Variants in NAV3 observed in about 807,000 individuals in gnomAD.
NAV3 encodes the protein pore membrane and/or filament interacting like protein 1.
Under a neutral mutation model 244.7 loss-of-function variants are expected in NAV3, and 87 were observed. The ratio of observed to expected loss-of-function variants is 0.36; its 90% confidence interval spans 0.30 to 0.42. The LOEUF (loss-of-function observed/expected upper bound fraction) is 0.42. NAV3 is among the 20% of genes least tolerant of loss of function. The probability of loss-of-function intolerance (pLI) is 1.00; values close to 1 mark genes in which losing one functional copy is unlikely to be tolerated. For missense variants in NAV3, 2,663 were observed against 2,893.3 expected, an observed-to-expected ratio of 0.92 and a Z score of 1.83; for synonymous variants, 1,126 against 1,042.2, an observed-to-expected ratio of 1.08 and a Z score of -1.55.
At chr12:77,828,756 A>G (rs1873283821), upstream of NAV3, among the ~76,000 whole-genome samples, 1 of 152,208 alleles carries the variant, frequency 6.6e-6, no homozygotes, top group African/African-American at 2.4e-5. Flanking sequence ...AGTCAGAGTG[A>G]AAGATATTGC....
chr12:77,755,667 T>C (rs1869134622), intron 2 of NAV3, among the ~76,000 whole-genome samples: 2 of 142,252 alleles, frequency 1.4e-5, no homozygotes, highest in Non-Finnish European at 3.1e-5. Flanking sequence ...CCACTCTCTC[T>C]CTTTCTTTCT....
At chr12:77,847,912 C>T (rs1876900318) in intron 1 of NAV3, among the ~76,000 whole-genome samples, 1 of 152,120 alleles carries the variant, frequency 6.6e-6, no homozygotes, top group African/African-American at 2.4e-5. Context: ...GAATGAGTTC[C>T]TATGTCTGTC....
intron 2 of NAV3, among the ~76,000 whole-genome samples, chr12:77,624,176 G>A (rs988750129): frequency 2.6e-5 from 4 of 152,290 alleles, no homozygotes; most frequent in Middle Eastern, 3.4e-3. Flanking sequence ...AAGAGGTGAC[G>A]TTTTGAAAAG....
chr12:78,210,652 G>A lies in NAV3; in HGVS notation c.*135G>A. 1 of 1,019,730 alleles carries A rather than the reference G, an allele frequency of 9.8e-7. No homozygotes were observed. The highest frequency in any genetic ancestry group is 1.4e-6 in the Non-Finnish European group (1 of 707,894). 63.2% of individuals were successfully genotyped at this position (1,019,730 alleles called of 1,614,324 possible). On this transcript the variant is annotated 3_prime_UTR_variant, in exon 40 of 40. Transcript: ENST00000397909. ...ACCCAGAGTTGTGGTCTCCAAGGAGGCAGCAGAACTAAGTCTGAACCGCCA... is the reference window on the plus strand; with the variant it reads ...ACCCAGAGTTGTGGTCTCCAAGGAGACAGCAGAACTAAGTCTGAACCGCCA...
intron 5 of NAV3, among the ~76,000 whole-genome samples, chr12:77,972,343 C>A (rs144620723): frequency 6.6e-6 from 1 of 152,240 alleles, no homozygotes. Context: ...AAATTCATTA[C>A]AGGGTATTAT....
At chr12:78,183,679 C>A (rs1958593076) in intron 30 of NAV3, among the ~76,000 whole-genome samples, 1 of 151,878 alleles carries the variant, frequency 6.6e-6, no homozygotes, top group African/African-American at 2.4e-5. Context: ...GGAGAAATTT[C>A]ATATTGTAAG....
At chr12:77,652,500 T>C (rs1015227646) in intron 2 of NAV3, among the ~76,000 whole-genome samples, 3 of 152,156 alleles carry the variant, frequency 2.0e-5, no homozygotes, top group Admixed American at 6.6e-5. Context: ...GCAATAAAGA[T>C]GTAAACAACT....
chr12:78,118,631 T>A (rs1397908579), intron 14 of NAV3, among the ~76,000 whole-genome samples: 1 of 152,200 alleles, frequency 6.6e-6, no homozygotes, highest in Non-Finnish European at 1.5e-5. Flanking sequence ...TCTGCGTTCT[T>A]AATGAAAGTT....
chr12:77,861,027 TC>T (rs1346446932), intron 1 of NAV3, among the ~76,000 whole-genome samples: 3 of 151,860 alleles, frequency 2.0e-5, no homozygotes. Context: ...TTCCATTAAT[TC>T]CTTTCTTTAT....
intron 1 of NAV3, among the ~76,000 whole-genome samples, chr12:77,908,344 G>A (rs1242293): frequency 0.11 from 16,779 of 151,982 alleles, 1,068 homozygotes; most frequent in South Asian, 0.2. Context: ...ATAACTTCTT[G>A]TGGGCTAAAT....
intron 2 of NAV3, among the ~76,000 whole-genome samples, chr12:77,754,446 C>A (rs1339064477): frequency 6.6e-6 from 1 of 152,158 alleles, no homozygotes; most frequent in African/African-American, 2.4e-5. Context: ...ATTATGGTGA[C>A]CTTCATTGCT....
intron 18 of NAV3, among the ~76,000 whole-genome samples, chr12:78,131,335 A>G (rs1040097176): frequency 6.6e-6 from 1 of 152,180 alleles, no homozygotes; most frequent in Non-Finnish European, 1.5e-5. Flanking sequence ...TTCCTAACCT[A>G]TATAGTGATA....
In NAV3 at chr12:77,676,572, T is replaced by TTA. The variant is rs397842676; in HGVS notation, c.72+104306_72+104307insTA. ...CCCCTTTAAAGCCTTTTTTTTTTTT[T>TTA]AAATTTTTTAAAAAATTTTACTTTA... On this transcript the variant is annotated intron_variant, in intron 2 of 8. Coordinates refer to the NAV3 transcript ENST00000550042. Among the ~76,000 whole-genome samples, 133 of 151,204 alleles carry TTA rather than the reference T, an allele frequency of 8.8e-4. 1 individual carries two copies. The Middle Eastern group carries it at 0.017, about 19-fold the overall frequency.
intron 4 of NAV3, among the ~76,000 whole-genome samples, chr12:77,967,661 A>T (rs1263451): frequency 0.87 from 132,501 of 152,014 alleles, 57,834 homozygotes; most frequent in East Asian, 0.98. Context: ...CAAGCTTTAC[A>T]TCCTTCTCTT....
chr12:78,203,428 T>G (rs1959944849), intron 38 of NAV3, among the ~76,000 whole-genome samples: 1 of 152,128 alleles, frequency 6.6e-6, no homozygotes, highest in Non-Finnish European at 1.5e-5. Context: ...AAACTTTTGC[T>G]CTAAAACAAG....
At chr12:77,881,830 T>C (rs1042962202) in intron 1 of NAV3, among the ~76,000 whole-genome samples, 2 of 151,976 alleles carry the variant, frequency 1.3e-5, no homozygotes, top group Admixed American at 6.6e-5. Context: ...TTACAATAGC[T>C]GTAAAGAAAA....
intron 22 of NAV3, among the ~76,000 whole-genome samples, chr12:78,153,799 A>G (rs190545984): frequency 2.5e-4 from 38 of 152,032 alleles, no homozygotes; most frequent in African/African-American, 8.2e-4. Context: ...TGCTTATTTA[A>G]TATTTTCATA....
intron 22 of NAV3, among the ~76,000 whole-genome samples, chr12:78,158,268 A>G (rs943671709): frequency 1.3e-5 from 2 of 152,186 alleles, no homozygotes; most frequent in African/African-American, 2.4e-5. Context: ...TTAAATCCTT[A>G]TATCCTTTTA....
chr12:77,612,751 A>G (rs1186081546), intron 2 of NAV3, among the ~76,000 whole-genome samples: 1 of 152,132 alleles, frequency 6.6e-6, no homozygotes, highest in Non-Finnish European at 1.5e-5. Flanking sequence ...CTTCAGTAAG[A>G]AAAGTGATAT....
Sources: gnomAD v4.1 joint callset for allele counts (sites outside exome capture counted in the v4.1 genomes callset) on GRCh38, gnomAD v4.1.1 for gene constraint, MANE v1.5 for transcripts, NCBI Gene and HGNC (gene_info 2026-07-23, HGNC 2026-07-21) for gene names.